Variants in KDM5A observed in about 807,000 individuals in gnomAD.
KDM5A encodes the protein lysine demethylase 5A, also known as lysine-specific demethylase 5A.
KDM5A carries 42 observed loss-of-function variants against 193.5 expected under a neutral mutation model. That is an observed-to-expected ratio of 0.22 (90% CI 0.17 to 0.28). KDM5A has a LOEUF of 0.28. Among genes scored for constraint, KDM5A ranks in the 10% least tolerant of loss-of-function variants. The pLI, the probability that KDM5A is intolerant of heterozygous loss-of-function variation, is 1.00. For missense variants in KDM5A, 1,692 were observed against 2,055.1 expected (o/e 0.82, Z 3.42); for synonymous variants, 796 against 718.1 (o/e 1.11, Z -1.73).
At chr12:350,800 T>C in intron 9 of KDM5A, 21 bp from the exon 10 acceptor site, 1 of 1,608,768 alleles carries the variant, frequency 6.2e-7, no homozygotes, top group Non-Finnish European at 8.5e-7. Flanking sequence ...AAAAAAAAGA[T>C]GACAAATTAT....
At chr12:381,401 A>G (rs1944571294) in intron 3 of KDM5A, among the ~76,000 whole-genome samples, 1 of 152,132 alleles carries the variant, frequency 6.6e-6, no homozygotes, top group African/African-American at 2.4e-5. Flanking sequence ...CATGAGCCAC[A>G]GTGCCGAGCC....
chr12:360,460 AG>A (rs1321984606), intron 5 of KDM5A, among the ~76,000 whole-genome samples: 1 of 152,200 alleles, frequency 6.6e-6, no homozygotes, highest in Admixed American at 6.5e-5. Context: ...CAGAAGAGAA[AG>A]GTATCACACA....
intron 27 of KDM5A, among the ~76,000 whole-genome samples, chr12:288,717 A>G (rs1565521984): frequency 1.3e-5 from 2 of 152,238 alleles, no homozygotes; most frequent in Non-Finnish European, 2.9e-5. Context: ...TTGAAAAAGG[A>G]AAACAATTCA....
In KDM5A at chr12:280,692, A is replaced by G. The variant is rs1455409838; in HGVS notation, c.*4764T>C. On this transcript the variant is annotated 3_prime_UTR_variant, in exon 28 of 28. Coordinates refer to ENST00000399788, the MANE Select transcript of KDM5A (RefSeq NM_001042603.3). ...TTTAAGAAGCCAAAGAGAAAGGGAA[A>G]GCATTTCCTTGTTTTCCCTATTAAT... The G allele has an allele frequency of 4.3e-6, 1 of 233,026 alleles. No homozygotes were observed. Among genetic ancestry groups the G allele is most frequent in the African/African-American group, 2.2e-5 (1 of 45,342 alleles). The allele number at this position is 233,026 out of a possible 1,614,324, so 14.4% of individuals were successfully genotyped here. A position where few individuals can be genotyped will look rare whatever the true frequency, so the allele number is the denominator to read the frequency against.
At chr12:298,406 G>C (rs997874518) in intron 24 of KDM5A, among the ~76,000 whole-genome samples, 2 of 152,196 alleles carry the variant, frequency 1.3e-5, no homozygotes, top group Non-Finnish European at 2.9e-5. Flanking sequence ...AGGCAAACAA[G>C]AGTCTGGAGT....
intron 27 of KDM5A, among the ~76,000 whole-genome samples, chr12:290,614 C>T (rs947796336): frequency 1.3e-5 from 2 of 152,032 alleles, no homozygotes; most frequent in Admixed American, 6.5e-5. Flanking sequence ...ACTTACGTTG[C>T]ATTTTTTGGT....
chr12:347,582 A>T (rs1259400893), intron 10 of KDM5A, among the ~76,000 whole-genome samples: 1 of 152,236 alleles, frequency 6.6e-6, no homozygotes, highest in African/African-American at 2.4e-5. Context: ...CCAATGGAAC[A>T]GAACAGAGCC....
At chr12:340,539 CA>C (rs1428860925) in intron 10 of KDM5A, among the ~76,000 whole-genome samples, 3 of 151,548 alleles carry the variant, frequency 2.0e-5, no homozygotes, top group African/African-American at 4.8e-5. Flanking sequence ...ACTAAAAATA[CA>C]AAAAATTAGC....
At chr12:364,435 C>T (rs185754405) in intron 4 of KDM5A, among the ~76,000 whole-genome samples, 1 of 151,556 alleles carries the variant, frequency 6.6e-6, no homozygotes, top group Admixed American at 6.6e-5. Context: ...CGAGTTCACG[C>T]CACTGCACTC....
chr12:292,360 C>A (rs1292156758), intron 27 of KDM5A, among the ~76,000 whole-genome samples: 2 of 152,178 alleles, frequency 1.3e-5, no homozygotes, highest in Non-Finnish European at 2.9e-5. Flanking sequence ...TGCCACAGCT[C>A]TTACAATACT....
Position 352,323 on chromosome 12 carries a change from T to G in KDM5A, c.1031A>C (p.Glu344Ala), listed in dbSNP as rs1944172800. ...DWRCPKCVAE[E>A]CSKPREAFGF... ...AAAGGCTTCTCGAGGTTTGCTACATTCCTGGAAAGAAAAAATATGTAAGAT... is the reference window on the plus strand; with the variant it reads ...AAAGGCTTCTCGAGGTTTGCTACATGCCTGGAAAGAAAAAATATGTAAGAT... Residue 344 changes from glutamate (E) to alanine (A), a missense_variant and splice_region_variant, in exon 9 of 28, where the codon GAA (glutamate) becomes GCA (alanine). Coordinates refer to ENST00000399788, the MANE Select transcript of KDM5A (RefSeq NM_001042603.3). The G allele has an allele frequency of 6.2e-7, 1 of 1,613,144 alleles. No individual in the cohort carries two copies.
chr12:356,788 A>C (rs1944234156), intron 5 of KDM5A, among the ~76,000 whole-genome samples: 1 of 152,234 alleles, frequency 6.6e-6, no homozygotes, highest in Non-Finnish European at 1.5e-5. Flanking sequence ...AAGCTGTCTA[A>C]AGACAGACAC....
chr12:314,132 C>T (rs781592361), intron 19 of KDM5A, among the ~76,000 whole-genome samples: 12 of 152,128 alleles, frequency 7.9e-5, no homozygotes, highest in East Asian at 7.7e-4. Context: ...AATCCTACTA[C>T]GTGTTAGGCA....
At chr12:341,908 A>G (rs1333299126) in intron 10 of KDM5A, among the ~76,000 whole-genome samples, 3 of 143,386 alleles carry the variant, frequency 2.1e-5, no homozygotes, top group Non-Finnish European at 3.0e-5. Flanking sequence ...CCAAAAAAAA[A>G]AAAAGAGAGA....
chr12:310,832 A>C, intron 21 of KDM5A, 53 bp downstream of exon 21: 1 of 1,554,032 alleles, frequency 6.4e-7, no homozygotes, highest in Admixed American at 1.7e-5. Flanking sequence ...CCTCACCAAT[A>C]CTATTACTAC....
rs190638820 is a variant in KDM5A at position 303,202 on chromosome 12, C to T, written c.4074+3744G>A. On this transcript the variant is annotated intron_variant, in intron 24 of 27. Coordinates refer to ENST00000399788, the MANE Select transcript of KDM5A (RefSeq NM_001042603.3). The stretch of plus-strand genomic sequence containing the variant: ...GGATTATAAATCATTCTACTATAGA[C>T]ACATGCACACATATGTTTACTGCAG... 3.2e-3 allele frequency among the ~76,000 whole-genome samples: 494 copies of T among 152,268 alleles called. 3 individuals carry two copies. The highest frequency in any genetic ancestry group is 5.1e-3 in the Non-Finnish European group (344 of 68,020).
At chr12:376,645 C>T (rs987792258) in intron 3 of KDM5A, among the ~76,000 whole-genome samples, 1 of 152,216 alleles carries the variant, frequency 6.6e-6, no homozygotes, top group African/African-American at 2.4e-5. Flanking sequence ...GTTGGAAATG[C>T]AGAAATCACC....
intron 3 of KDM5A, among the ~76,000 whole-genome samples, chr12:372,411 A>G (rs1182519490): frequency 6.6e-6 from 1 of 152,134 alleles, no homozygotes; most frequent in Non-Finnish European, 1.5e-5. Context: ...TTGGTGTATA[A>G]GAATGCTTGT....
chr12:344,254 T>C (rs1944042787), intron 10 of KDM5A, among the ~76,000 whole-genome samples: 3 of 152,156 alleles, frequency 2.0e-5, no homozygotes. Context: ...CTCCAATAAA[T>C]ATGGGACTAT....
Sources: allele counts gnomAD v4.1 joint callset (sites outside exome capture counted in the v4.1 genomes callset), GRCh38; gene constraint gnomAD v4.1.1; transcripts MANE v1.5; gene names NCBI Gene and HGNC (gene_info 2026-07-23, HGNC 2026-07-21).